PKDCC: variants seen among roughly 807,000 people sequenced by gnomAD.
PKDCC encodes protein kinase domain containing, cytoplasmic.
PKDCC carries 35 observed loss-of-function variants against 44.7 expected under a neutral mutation model. The observed-to-expected ratio is 0.78, with a 90% CI of 0.60 to 1.04. The LOEUF (loss-of-function observed/expected upper bound fraction) is 1.04. Ranked by LOEUF, PKDCC falls within the 50% of genes least tolerant of loss-of-function variation. The pLI is 0.00. For missense variants in PKDCC, 738 were observed against 672.7 expected (o/e 1.10, Z -1.07); for synonymous variants, 353 against 303.3 (o/e 1.16, Z -1.70).
Position 42,048,136 on chromosome 2 carries a change from C to T in PKDCC, c.-64C>T. On this transcript the variant is annotated 5_prime_UTR_variant, in exon 1 of 7. Transcript: ENST00000294964. This position sits in a 1 kb window ranked among gnomAD's most constrained non-coding sequence, Gnocchi z 6.2. ...GCGCAGAGCGGAGCCGCCTCGGAGC[C>T]TGAGCCGCCCGGGGCCGGGGCCGGG... is the stretch of plus-strand genomic sequence containing the variant. 2.2e-6 allele frequency: 2 copies of T among 927,542 alleles called. No individual in the cohort carries two copies. Among genetic ancestry groups the T allele is most frequent in the Non-Finnish European group, 2.5e-6 (2 of 797,786 alleles). The allele number at this position is 927,542 out of a possible 1,614,324, so 57.5% of individuals were successfully genotyped here. A position where few individuals can be genotyped will look rare whatever the true frequency, so the allele number is the denominator to read the frequency against.
rs1223783222 is a variant in PKDCC at position 42,048,475 on chromosome 2, G to T, written c.276G>T (p.Pro92=). Residue 92 remains proline (P), a synonymous_variant, in exon 1 of 7, where the codon CCG becomes CCT. Coordinates refer to ENST00000294964, the MANE Select transcript of PKDCC (RefSeq NM_138370.3). This position sits in a 1 kb window ranked among gnomAD's most constrained non-coding sequence, Gnocchi z 6.2. ...GGCGGCGCCTGATGGACCTGGCTCC[G>T]GGCGGGCCCGGCCTGCCGCGCCCCC... The part of the protein sequence containing the change: ...PERRRLMDLA[P]GGPGLPRPRP... 4.8e-6 allele frequency: 5 copies of T among 1,045,794 alleles called. No homozygotes were observed. Among genetic ancestry groups the T allele is most frequent in the Non-Finnish European group, 5.7e-6 (5 of 871,904 alleles). The allele number at this position is 1,045,794 out of a possible 1,614,324, so 64.8% of individuals were successfully genotyped here.
Position 42,048,166 on chromosome 2 carries a change from CG to C in PKDCC, c.-33del. The stretch of plus-strand genomic sequence containing the variant: ...CCGCCCGGGGCCGGGGCCGGGGAGC[CG>C]CGCGGGGCCGGCCGGCCGGGGGGAG... On this transcript the variant is annotated 5_prime_UTR_variant, in exon 1 of 7. Transcript: ENST00000294964. This position sits in a 1 kb window ranked among gnomAD's most constrained non-coding sequence, Gnocchi z 6.2. 9.9e-7 allele frequency: 1 copy of C among 1,014,224 alleles called. No individual in the cohort carries two copies. Among genetic ancestry groups the C allele is most frequent in the Non-Finnish European group, 1.2e-6 (1 of 861,892 alleles). 62.8% of individuals were successfully genotyped at this position (1,014,224 alleles called of 1,614,324 possible). A position where few individuals can be genotyped will look rare whatever the true frequency, so the allele number is the denominator to read the frequency against.
At position 42,055,169 on chromosome 2, in the gene PKDCC, C is replaced by T. The variant is rs1668032219; in HGVS notation, c.1115-117C>T. 7 of 1,271,516 alleles carry T rather than the reference C, an allele frequency of 5.5e-6. No individual in the cohort carries two copies. The highest frequency in any genetic ancestry group is 4.3e-4 in the Middle Eastern group (2 of 4,618). The allele number at this position is 1,271,516 out of a possible 1,614,324, so 78.8% of individuals were successfully genotyped here. ...TTCTGCCGCAACCTCCCCGCTCCCC[C>T]GCCCTCTGTTCACTGGGGCACAGGC... On this transcript the variant is annotated intron_variant, in intron 4 of 6. Transcript: ENST00000294964. This position sits in a 1 kb window ranked among gnomAD's most constrained non-coding sequence, Gnocchi z 4.5.
chr2:42,053,190 T>G, intron 1 of PKDCC, 49 bp from the exon 2 acceptor site: 220 of 1,199,498 alleles, frequency 1.8e-4, no homozygotes, highest in Non-Finnish European at 2.3e-4. Context: ...CCCTTCCCTG[T>G]CCCCACCCCC....
rs189954283 is a variant in PKDCC at position 42,055,150 on chromosome 2, C to T, written c.1114+130C>T. The T allele has an allele frequency of 5.4e-5, 70 of 1,288,188 alleles. 2 individuals carry two copies. In the African/African-American group the frequency reaches 6.6e-4, roughly 12 times the overall value. 79.8% of individuals were successfully genotyped at this position (1,288,188 alleles called of 1,614,324 possible). A position where few individuals can be genotyped will look rare whatever the true frequency, so the allele number is the denominator to read the frequency against. ...ATCACTTCCTAAGGTGGCATTCTGC[C>T]GCAACCTCCCCGCTCCCCCGCCCTC... On this transcript the variant is annotated intron_variant, in intron 4 of 6. Transcript: ENST00000294964. This position sits in a 1 kb window ranked among gnomAD's most constrained non-coding sequence, Gnocchi z 4.5.
In PKDCC at chr2:42,053,282, C is replaced by T. The variant is rs749682229; in HGVS notation, c.683C>T (p.Thr228Ile). 2 of 1,613,342 alleles carry T rather than the reference C, an allele frequency of 1.2e-6. No individual in the cohort carries two copies. The highest frequency in any genetic ancestry group is 1.7e-5 in the Admixed American group (1 of 59,926). The change falls in exon 2 of 7, where the codon ACC (threonine) becomes ATC (isoleucine). Residue 228 changes from threonine to isoleucine, a missense_variant. Coordinates refer to ENST00000294964, the MANE Select transcript of PKDCC (RefSeq NM_138370.3). ...CYQDSEDIPD[T>I]LTTITELGAP... is the part of the protein sequence containing the mutation. ...CAGGACAGCGAGGACATCCCAGACA[C>T]CCTGACCACCATCACGGAGCTGGGC... is the stretch of plus-strand genomic sequence containing the variant.
In PKDCC at chr2:42,054,095, C is replaced by A; in HGVS notation, c.822C>A (p.Val274=). 6.2e-7 allele frequency: 1 copy of A among 1,612,848 alleles called. No individual in the cohort carries two copies. Among genetic ancestry groups the A allele is most frequent in the Non-Finnish European group, 8.5e-7 (1 of 1,179,882 alleles). The part of the protein sequence containing the change: ...HHLAHSPLGS[V]TLLDFRPRQF... The stretch of plus-strand genomic sequence containing the variant: ...TGGCCCACTCCCCACTGGGCTCCGT[C>A]ACTCTGCTGGACTTCCGCCCTCGGC... Residue 274 remains valine, a synonymous_variant, in exon 3 of 7, where the codon GTC becomes GTA. Coordinates refer to ENST00000294964, the MANE Select transcript of PKDCC (RefSeq NM_138370.3). This position sits in a 1 kb window ranked among gnomAD's most constrained non-coding sequence, Gnocchi z 6.1.
intron 1 of PKDCC, among the ~76,000 whole-genome samples, chr2:42,049,298 G>A (rs954015362): frequency 2.6e-5 from 4 of 152,150 alleles, no homozygotes; most frequent in Non-Finnish European, 5.9e-5. Flanking sequence ...TTTTGAAAAT[G>A]AGACGGGACA....
rs1667972459 is a variant in PKDCC, at chr2:42,051,797, G to T, written c.640-1442G>T. 6.6e-6 allele frequency among the ~76,000 whole-genome samples: 1 copy of T among 152,144 alleles called. No individual in the cohort carries two copies. ...TCCCCCATGCCAGCAGGATGACGGGGAGCTGAGGGGGCACTCCTAGGGCGG... is the reference window on the plus strand; with the variant it reads ...TCCCCCATGCCAGCAGGATGACGGGTAGCTGAGGGGGCACTCCTAGGGCGG... On this transcript the variant is annotated intron_variant, in intron 1 of 6. Transcript: ENST00000294964. The surrounding 1 kb of genome is among the most constrained non-coding windows in gnomAD (Gnocchi z 4.2).
In PKDCC at chr2:42,048,967, A is replaced by G; in HGVS notation, c.639+129A>G. On this transcript the variant is annotated intron_variant, in intron 1 of 6. Coordinates refer to ENST00000294964, the MANE Select transcript of PKDCC (RefSeq NM_138370.3). This position sits in a 1 kb window ranked among gnomAD's most constrained non-coding sequence, Gnocchi z 6.2. ...CACCCAGGCTAAGCTAGACGCAGAA[A>G]CCGGACCATGGCCCTTCCCACTGCA... 1 of 1,300,504 alleles carries G rather than the reference A, an allele frequency of 7.7e-7. No individual in the cohort carries two copies. The highest frequency in any genetic ancestry group is 2.4e-5 in the South Asian group (1 of 41,256). 80.6% of individuals were successfully genotyped at this position (1,300,504 alleles called of 1,614,324 possible).
Position 42,055,170 on chromosome 2 carries a change from G to A in PKDCC, c.1115-116G>A, listed in dbSNP as rs558483231. ...TCTGCCGCAACCTCCCCGCTCCCCC[G>A]CCCTCTGTTCACTGGGGCACAGGCT... On this transcript the variant is annotated intron_variant, in intron 4 of 6. Coordinates refer to ENST00000294964, the MANE Select transcript of PKDCC (RefSeq NM_138370.3). This position sits in a 1 kb window ranked among gnomAD's most constrained non-coding sequence, Gnocchi z 4.5. The A allele has an allele frequency of 2.4e-5, 30 of 1,269,426 alleles. 1 individual carries two copies. Among genetic ancestry groups the A allele is most frequent in the Middle Eastern group, 2.2e-4 (1 of 4,604 alleles). The allele number at this position is 1,269,426 out of a possible 1,614,324, so 78.6% of individuals were successfully genotyped here. A position where few individuals can be genotyped will look rare whatever the true frequency, so the allele number is the denominator to read the frequency against.
chr2:42,048,586 C>T lies in PKDCC; in HGVS notation c.387C>T (p.Arg129=). 6.9e-7 allele frequency: 1 copy of T among 1,455,238 alleles called. No homozygotes were observed. Among genetic ancestry groups the T allele is most frequent in the Non-Finnish European group, 9.1e-7 (1 of 1,102,778 alleles). The allele number at this position is 1,455,238 out of a possible 1,614,324, so 90.1% of individuals were successfully genotyped here. A position where few individuals can be genotyped will look rare whatever the true frequency, so the allele number is the denominator to read the frequency against. The part of the protein sequence containing the change: ...PGPGSPGPGP[R]LGCAALRNVS... ...CAGGCTCCCCCGGCCCGGGCCCGCG[C>T]CTGGGCTGCGCCGCGCTTCGCAACG... Residue 129 remains arginine, a synonymous_variant, in exon 1 of 7, where the codon CGC becomes CGT. Coordinates refer to ENST00000294964, the MANE Select transcript of PKDCC (RefSeq NM_138370.3). This position sits in a 1 kb window ranked among gnomAD's most constrained non-coding sequence, Gnocchi z 6.2.
chr2:42,057,210 C>T lies in PKDCC; in HGVS notation c.1223-11C>T. ...ACAGAATTCTCATTTTACTCCATCC[C>T]CAACCCACAGAGTACCAGTGTATCC... On this transcript the variant is annotated splice_polypyrimidine_tract_variant and intron_variant, in intron 5 of 6. Transcript: ENST00000294964. 6.2e-7 allele frequency: 1 copy of T among 1,613,732 alleles called. No individual in the cohort carries two copies. The highest frequency in any genetic ancestry group is 1.1e-5 in the South Asian group (1 of 91,056).
At position 42,051,230 on chromosome 2, in the gene PKDCC, C is replaced by A. The variant is rs891535031; in HGVS notation, c.640-2009C>A. ...TCTATCCATTTTCTTTGACCCCTCCCCATCCCGCCCCTGACACACGCATAC... is the reference window on the plus strand; with the variant it reads ...TCTATCCATTTTCTTTGACCCCTCCACATCCCGCCCCTGACACACGCATAC... On this transcript the variant is annotated intron_variant, in intron 1 of 6. Transcript: ENST00000294964. This position sits in a 1 kb window ranked among gnomAD's most constrained non-coding sequence, Gnocchi z 4.2. 5.9e-5 allele frequency among the ~76,000 whole-genome samples: 9 copies of A among 151,854 alleles called. No individual in the cohort carries two copies. The highest frequency in any genetic ancestry group is 4.2e-4 in the South Asian group (2 of 4,808).
At chr2:42,053,644 C>T (rs931421141) in intron 2 of PKDCC, 11 of 530,374 alleles carry the variant, frequency 2.1e-5, no homozygotes, top group African/African-American at 1.7e-4. Flanking sequence ...CACACACTCA[C>T]ACTCAGCCTG....
chr2:42,056,152 GT>G (rs1668051095), intron 5 of PKDCC, among the ~76,000 whole-genome samples: 3 of 151,736 alleles, frequency 2.0e-5, no homozygotes, highest in Non-Finnish European at 4.4e-5. Flanking sequence ...GTAAATCACA[GT>G]CAGCCCTGGA....
Position 42,048,644 on chromosome 2 carries a change from A to C in PKDCC, c.445A>C (p.Thr149Pro). Residue 149 changes from threonine (T) to proline (P), a missense_variant, in exon 1 of 7, where the codon ACC (threonine) becomes CCC (proline). Transcript: ENST00000294964. This position sits in a 1 kb window ranked among gnomAD's most constrained non-coding sequence, Gnocchi z 6.2. The stretch of plus-strand genomic sequence containing the variant: ...CGCGCAGTACATGGGCTCAGGCTAC[A>C]CCAAGGCCGTGTACCGGGTCCGCCT... ...SGAQYMGSGY[T>P]KAVYRVRLPG... 1 of 1,544,144 alleles carries C rather than the reference A, an allele frequency of 6.5e-7. No homozygotes were observed. Among genetic ancestry groups the C allele is most frequent in the Non-Finnish European group, 8.7e-7 (1 of 1,146,104 alleles).
rs1193373249 is a variant in PKDCC, at chr2:42,052,575, CCT to C, written c.640-663_640-662del. On this transcript the variant is annotated intron_variant, in intron 1 of 6. Transcript: ENST00000294964. This position sits in a 1 kb window ranked among gnomAD's most constrained non-coding sequence, Gnocchi z 4.3. ...ACCAGCCTGGCCAACATGGTGAAACCCTGTTTCTACTAAAAAGACAAAAATTA... is the reference window on the plus strand; with the variant it reads ...ACCAGCCTGGCCAACATGGTGAAACCGTTTCTACTAAAAAGACAAAAATTA... Among the ~76,000 whole-genome samples the C allele has an allele frequency of 6.6e-6, 1 of 151,962 alleles. No homozygotes were observed. The highest frequency in any genetic ancestry group is 1.5e-5 in the Non-Finnish European group (1 of 67,992).
At position 42,048,449 on chromosome 2, in the gene PKDCC, C is replaced by G. The variant is rs1215332186; in HGVS notation, c.250C>G (p.Arg84Gly). 1 of 1,096,608 alleles carries G rather than the reference C, an allele frequency of 9.1e-7. No homozygotes were observed. The allele number at this position is 1,096,608 out of a possible 1,614,324, so 67.9% of individuals were successfully genotyped here. The change falls in exon 1 of 7, where the codon CGG becomes GGG. Residue 84 changes from arginine to glycine, a missense_variant. Arg to Gly is a moderately radical substitution (Grantham distance 125). Coordinates refer to ENST00000294964, the MANE Select transcript of PKDCC (RefSeq NM_138370.3). The surrounding 1 kb of genome is among the most constrained non-coding windows in gnomAD (Gnocchi z 6.2). ...CGGGCCCGGGGCGGGCCGGCCGGAGCGGCGGCGCCTGATGGACCTGGCTCC... is the reference window on the plus strand; with the variant it reads ...CGGGCCCGGGGCGGGCCGGCCGGAGGGGCGGCGCCTGATGGACCTGGCTCC... ...GPGPGAGRPE[R>G]RRLMDLAPGG...
Sources: allele counts gnomAD v4.1 joint callset (sites outside exome capture counted in the v4.1 genomes callset), GRCh38; gene constraint gnomAD v4.1.1; non-coding constraint Gnocchi (gnomAD v3.1); transcripts MANE v1.5; gene names NCBI Gene and HGNC (gene_info 2026-07-23, HGNC 2026-07-21).